The following PCLO variants were observed in gnomAD, a reference collection of about 807,000 sequenced individuals.
PCLO encodes the protein protein piccolo.
A neutral mutation model predicts 427.5 loss-of-function variants in PCLO; 82 were observed. The observed-to-expected ratio is 0.19, with a 90% CI of 0.16 to 0.23. The LOEUF is 0.23. PCLO is among the 10% of genes least tolerant of loss of function. The pLI is 1.00. For synonymous variants in PCLO, 2,357 were observed against 2,155.4 expected, an observed-to-expected ratio of 1.09 and a Z score of -2.59; for missense variants, 6,239 against 6,115.9, an observed-to-expected ratio of 1.02 and a Z score of -0.67.
chr7:82,859,309 G>C (rs527767197), intron 10 of PCLO, among the ~76,000 whole-genome samples: 6 of 152,318 alleles, frequency 3.9e-5, no homozygotes, highest in Admixed American at 2.0e-4. Flanking sequence ...ATCCAGTGCT[G>C]TGCTGACTTT....
chr7:82,953,079 G>A lies in PCLO; in HGVS notation c.7874C>T (p.Pro2625Leu), dbSNP rs1381522327. 1 of 1,613,948 alleles carries A rather than the reference G, an allele frequency of 6.2e-7. No individual in the cohort carries two copies. Among genetic ancestry groups the A allele is most frequent in the South Asian group, 1.1e-5 (1 of 91,088 alleles). Residue 2625 changes from proline (P) to leucine (L), a missense_variant, in exon 5 of 25, where the codon CCT becomes CTT. By Grantham distance (98) the Pro-to-Leu change is moderately conservative. Around this residue, in one of 5 missense-constraint regions of PCLO, gnomAD observed 4,677 missense variants for 4,468.4 expected, o/e 1.05. Transcript: ENST00000333891. ...AATTGGAATTTCTACAGCTGTCACAGGAGGAACTACAGAAAACACAGGTTC... is the reference window on the plus strand; with the variant it reads ...AATTGGAATTTCTACAGCTGTCACAAGAGGAACTACAGAAAACACAGGTTC... ...SVEPVFSVVPPVTAVEIPISS... is the reference protein window; with the variant it reads ...SVEPVFSVVPLVTAVEIPISS...
chr7:82,824,183 C>T lies in PCLO; in HGVS notation c.14596+53G>A, dbSNP rs140187037. 325 of 1,235,406 alleles carry T rather than the reference C, an allele frequency of 2.6e-4. 1 individual carries two copies. The East Asian group carries it at 8.0e-3, about 30-fold the overall frequency. 76.5% of individuals were successfully genotyped at this position (1,235,406 alleles called of 1,614,324 possible). On this transcript the variant is annotated intron_variant, in intron 19 of 24. Coordinates refer to ENST00000333891, the MANE Select transcript of PCLO (RefSeq NM_033026.6). ...TACAAACATTCACACTAAGAAGATA[C>T]AGACTGAACAAATAGACACAAAACT...
Position 83,118,602 on chromosome 7 carries a change from C to A in PCLO, c.3300+15648G>T, listed in dbSNP as rs1195023205. 3.9e-5 allele frequency among the ~76,000 whole-genome samples: 6 copies of A among 152,064 alleles called. No homozygotes were observed. In the East Asian group the frequency reaches 1.2e-3, roughly 29 times the overall value. ...GGAACTCAGTGCTTCCCTGTCACAG[C>A]AGAACACAACAGAGGGCATAATTTG... On this transcript the variant is annotated intron_variant, in intron 3 of 24. Coordinates refer to ENST00000333891, the MANE Select transcript of PCLO (RefSeq NM_033026.6).
rs143451245 is a variant in PCLO at position 82,930,759 on chromosome 7, T to C, written c.11113-13886A>G. On this transcript the variant is annotated intron_variant, in intron 6 of 24. Coordinates refer to ENST00000333891, the MANE Select transcript of PCLO (RefSeq NM_033026.6). ...ACTAGGTTATGTGCTCTTTATCTCA[T>C]GATACTTAAAGTCAAAAAATGTTTC... Among the ~76,000 whole-genome samples the C allele has an allele frequency of 1.9e-3, 295 of 152,264 alleles. 1 individual carries two copies. The highest frequency in any genetic ancestry group is 6.9e-3 in the African/African-American group (286 of 41,568).
At chr7:82,983,878 C>T (rs889812015) in intron 3 of PCLO, among the ~76,000 whole-genome samples, 7 of 151,816 alleles carry the variant, frequency 4.6e-5, no homozygotes, top group Admixed American at 1.3e-4. Context: ...AAGATGTTAT[C>T]ATCCTAGACT....
At chr7:82,908,818 AG>A in intron 8 of PCLO, 58 bp downstream of exon 8, 1 of 1,408,136 alleles carries the variant, frequency 7.1e-7, no homozygotes, top group Non-Finnish European at 9.9e-7. Context: ...AGACCATTCT[AG>A]GGTAGACTTG....
chr7:82,927,521 T>C (rs7790042), intron 6 of PCLO, among the ~76,000 whole-genome samples: 3,947 of 152,224 alleles, frequency 0.026, 174 homozygotes, highest in African/African-American at 0.09. Context: ...GAGACCACAA[T>C]CAGCATATCG....
chr7:83,024,860 C>G (rs1387855970), intron 3 of PCLO, among the ~76,000 whole-genome samples: 2 of 152,104 alleles, frequency 1.3e-5, no homozygotes, highest in African/African-American at 2.4e-5. Context: ...ACACCTCACA[C>G]GGCAGGGTAC....
intron 16 of PCLO, among the ~76,000 whole-genome samples, chr7:82,832,016 T>C (rs1792105748): frequency 6.6e-6 from 1 of 152,158 alleles, no homozygotes; most frequent in African/African-American, 2.4e-5. Flanking sequence ...AAAGTCAGGC[T>C]GAGAAATAAG....
chr7:83,035,969 A>G (rs535608209), intron 3 of PCLO, among the ~76,000 whole-genome samples: 14 of 152,256 alleles, frequency 9.2e-5, no homozygotes, highest in African/African-American at 3.4e-4. Context: ...TGAATCCAAA[A>G]TATTTTTATT....
intron 6 of PCLO, among the ~76,000 whole-genome samples, chr7:82,926,633 T>C (rs1283599099): frequency 6.6e-6 from 1 of 152,202 alleles, no homozygotes; most frequent in Non-Finnish European, 1.5e-5. Context: ...CCAGTTTGTT[T>C]TGTTTTCTTG....
chr7:82,897,110 C>CAT lies in PCLO; in HGVS notation c.13528+5539_13528+5540dup, dbSNP rs1004604957. ...TTAAGAGGAAATAACATTTGTTGAG[C>CAT]ATACAGTAAGTACAAGATTTTGTGT... On this transcript the variant is annotated intron_variant, in intron 9 of 24. Coordinates refer to ENST00000333891, the MANE Select transcript of PCLO (RefSeq NM_033026.6). Among the ~76,000 whole-genome samples the CAT allele has an allele frequency of 1.5e-4, 22 of 151,596 alleles. 1 individual carries two copies. Among genetic ancestry groups the CAT allele is most frequent in the African/African-American group, 5.3e-4 (22 of 41,482 alleles).
chr7:82,826,466 T>C, intron 18 of PCLO, 123 bp downstream of exon 18: 4 of 581,680 alleles, frequency 6.9e-6, no homozygotes, highest in Non-Finnish European at 3.0e-6. Flanking sequence ...AAATAAATTC[T>C]ATCTGCCAGA....
At chr7:83,064,291 T>C (rs59865738) in intron 3 of PCLO, among the ~76,000 whole-genome samples, 5,097 of 152,022 alleles carry the variant, frequency 0.034, 289 homozygotes, top group African/African-American at 0.12. Flanking sequence ...AGAAGAAATA[T>C]GAATATGGAA....
intron 2 of PCLO, among the ~76,000 whole-genome samples, chr7:83,140,908 A>G (rs944496168): frequency 6.6e-6 from 1 of 152,216 alleles, no homozygotes; most frequent in Admixed American, 6.5e-5. Context: ...CATAGTAACT[A>G]TAATACACTT....
chr7:82,779,985 A>C (rs1274479343), intron 22 of PCLO, among the ~76,000 whole-genome samples: 2 of 152,144 alleles, frequency 1.3e-5, no homozygotes, highest in East Asian at 3.9e-4. Context: ...TTAAGCTCTC[A>C]GTAGGTGTTA....
intron 3 of PCLO, among the ~76,000 whole-genome samples, chr7:83,056,849 C>T (rs1789391191): frequency 6.6e-6 from 1 of 151,986 alleles, no homozygotes; most frequent in African/African-American, 2.4e-5. Context: ...ACAGGGCCTT[C>T]TTCTATTGTT....
intron 3 of PCLO, among the ~76,000 whole-genome samples, chr7:83,068,504 G>C (rs1283772591): frequency 1.3e-5 from 2 of 152,042 alleles, no homozygotes; most frequent in African/African-American, 4.8e-5. Context: ...GAAGACATAC[G>C]AATGACCAAC....
intron 3 of PCLO, among the ~76,000 whole-genome samples, chr7:83,061,450 C>T (rs765730733): frequency 1.3e-5 from 2 of 152,134 alleles, no homozygotes; most frequent in African/African-American, 2.4e-5. Context: ...ATCTGCCAAA[C>T]ATGTTTTGCC....
Sources: gnomAD v4.1 joint callset for allele counts (sites outside exome capture counted in the v4.1 genomes callset) on GRCh38, gnomAD v4.1.1 for gene constraint, gnomAD v4.1.1 regional missense constraint, MANE v1.5 for transcripts, NCBI Gene and HGNC (gene_info 2026-07-23, HGNC 2026-07-21) for gene names.